Variants in DNAH3 observed in about 807,000 individuals in gnomAD.
DNAH3 encodes axonemal beta dynein heavy chain 3.
Under a neutral mutation model 432.5 loss-of-function variants are expected in DNAH3, and 332 were observed. That is an observed-to-expected ratio of 0.77 (90% CI 0.70 to 0.84). DNAH3 has a LOEUF of 0.84. DNAH3 is among the 40% of genes least tolerant of loss of function. The probability of loss-of-function intolerance (pLI) is 0.00; values close to 1 mark genes in which losing one functional copy is unlikely to be tolerated. For synonymous variants in DNAH3, 1,956 were observed against 1,900.2 expected (o/e 1.03, Z -0.76); for missense variants, 4,861 against 5,114.0 (o/e 0.95, Z 1.51).
chr16:21,065,708 C>T (rs75448251), intron 24 of DNAH3, among the ~76,000 whole-genome samples: 3,259 of 152,264 alleles, frequency 0.021, 123 homozygotes, highest in African/African-American at 0.074. Flanking sequence ...TGCTCAGTGG[C>T]CACTGGCAGC....
intron 41 of DNAH3, among the ~76,000 whole-genome samples, chr16:21,011,797 C>T (rs1020721659): frequency 2.0e-5 from 3 of 152,022 alleles, no homozygotes; most frequent in Non-Finnish European, 4.4e-5. Context: ...GATGAAAAGA[C>T]AAGATGAGAT....
intron 20 of DNAH3, 83 bp downstream of exon 20, chr16:21,081,553 C>T (rs907290141): frequency 7.0e-6 from 8 of 1,139,578 alleles, no homozygotes; most frequent in African/African-American, 3.1e-5. Context: ...ACAAACAGCC[C>T]GATATGGAGC....
intron 49 of DNAH3, among the ~76,000 whole-genome samples, chr16:20,981,036 T>TCA (rs2085873542): frequency 6.6e-6 from 1 of 152,176 alleles, no homozygotes; most frequent in Non-Finnish European, 1.5e-5. Context: ...GAACCATAGT[T>TCA]TGTCAGCTTC....
intron 8 of DNAH3, among the ~76,000 whole-genome samples, chr16:21,127,142 A>G (rs1177469928): frequency 6.6e-6 from 1 of 152,056 alleles, no homozygotes; most frequent in African/African-American, 2.4e-5. Context: ...CCGCTGGTCT[A>G]AAGGATTCGA....
chr16:21,131,291 A>G (rs556444948), intron 7 of DNAH3, among the ~76,000 whole-genome samples: 1 of 151,988 alleles, frequency 6.6e-6, no homozygotes, highest in Non-Finnish European at 1.5e-5. Flanking sequence ...ATGCCACTGC[A>G]CCACACCCTG....
chr16:21,094,682 A>G (rs1420559268), intron 18 of DNAH3, among the ~76,000 whole-genome samples: 1 of 152,070 alleles, frequency 6.6e-6, no homozygotes, highest in Non-Finnish European at 1.5e-5. Context: ...ATATATATAT[A>G]TGGACAATAA....
At chr16:20,952,648 G>T in intron 55 of DNAH3, 99 bp from the exon 56 acceptor site, 1 of 773,298 alleles carries the variant, frequency 1.3e-6, no homozygotes, top group Non-Finnish European at 2.3e-6. Context: ...TGGATCAAAA[G>T]CCTCTTTCAG....
At chr16:21,127,966 T>C (rs1035070196) in intron 7 of DNAH3, among the ~76,000 whole-genome samples, 154 bp from the exon 9 acceptor site, 18 of 152,000 alleles carry the variant, frequency 1.2e-4, no homozygotes, top group Admixed American at 7.2e-4. Context: ...GAGGAGGATA[T>C]GGGAGGCTGA....
exon 5 of DNAH3, chr16:21,140,556 GCTT>G (rs1485579389): frequency 1.9e-5 from 30 of 1,613,854 alleles, no homozygotes; most frequent in Non-Finnish European, 1.1e-5. Context: ...GATTCAGATG[GCTT>G]CTTTTCTTTA....
intron 3 of DNAH3, among the ~76,000 whole-genome samples, chr16:21,142,654 C>CG: frequency 1.5e-5 from 2 of 136,422 alleles, no homozygotes; most frequent in East Asian, 2.2e-4. Flanking sequence ...TACAAAAATC[C>CG]TTTTTTTTTT....
At chr16:20,965,964 C>T (rs1244974382) in intron 52 of DNAH3, among the ~76,000 whole-genome samples, 2 of 149,278 alleles carry the variant, frequency 1.3e-5, no homozygotes, top group South Asian at 2.1e-4. Context: ...CTGCCTACCT[C>T]GGCCTCCCAA....
At chr16:21,111,216 A>G (rs1419060934) in intron 14 of DNAH3, among the ~76,000 whole-genome samples, 1 of 152,220 alleles carries the variant, frequency 6.6e-6, no homozygotes, top group Non-Finnish European at 1.5e-5. Flanking sequence ...GGACCTATAC[A>G]GCAGAATTCT....
chr16:20,950,013 A>C (rs1370287631), intron 56 of DNAH3, among the ~76,000 whole-genome samples: 1 of 152,020 alleles, frequency 6.6e-6, no homozygotes, highest in Non-Finnish European at 1.5e-5. Flanking sequence ...ACTTCTATTT[A>C]TTATTATTAC....
intron 51 of DNAH3, 50 bp from the exon 52 acceptor site, chr16:20,970,040 A>G (rs747221230): frequency 1.1e-5 from 17 of 1,557,758 alleles, no homozygotes; most frequent in Non-Finnish European, 1.5e-5. Context: ...GCCTGGCACA[A>G]TGGGGGCGAA....
Position 20,997,303 on chromosome 16 carries a change from C to T in DNAH3, c.6581G>A (p.Gly2194Glu), listed in dbSNP as rs768942597. 1.3e-5 allele frequency: 21 copies of T among 1,613,882 alleles called. No homozygotes were observed. In the Admixed American group the frequency reaches 2.3e-4, roughly 18 times the overall value. ...CATACCAGTAATGTCATTCCTTCCT[C>T]CCCCGGGGGGCCCCATGGCTGTCAC... The change falls in exon 44 of 62, where the codon GGA becomes GAA. Residue 2194 changes from glycine to glutamate, a missense_variant. Gly to Glu is a moderately conservative substitution (Grantham distance 98, BLOSUM62 -2). Coordinates refer to ENST00000261383, the Ensembl canonical transcript of DNAH3.
chr16:21,052,625 C>T lies in DNAH3; in HGVS notation c.4040-757G>A, dbSNP rs1046150078. Among the ~76,000 whole-genome samples, 6 of 152,174 alleles carry T rather than the reference C, an allele frequency of 3.9e-5. No homozygotes were observed. In the East Asian group the frequency reaches 7.7e-4, roughly 20 times the overall value. On this transcript the variant is annotated intron_variant, in intron 28 of 61. Coordinates refer to ENST00000261383, the Ensembl canonical transcript of DNAH3. ...GATTAAATGAATATATAGGTACATA[C>T]ATACATATCTACAGCTAGACACAAT...
chr16:20,988,404 T>C (rs1210756384), intron 44 of DNAH3, among the ~76,000 whole-genome samples: 1 of 152,126 alleles, frequency 6.6e-6, no homozygotes, highest in Non-Finnish European at 1.5e-5. Flanking sequence ...TTATATCATA[T>C]CATGTTGTAT....
chr16:21,020,348 G>GTGTGTGTGTATATATATATATATATATA, intron 40 of DNAH3, among the ~76,000 whole-genome samples: 12 of 69,150 alleles, frequency 1.7e-4, no homozygotes, highest in African/African-American at 3.2e-4. Flanking sequence ...TATAGTGTGT[G>GTGTGTGTGTATATATATATATATATATA]TATATATATA....
At chr16:21,144,798 A>G (rs1379315517) in intron 3 of DNAH3, among the ~76,000 whole-genome samples, 1 of 152,108 alleles carries the variant, frequency 6.6e-6, no homozygotes, top group Non-Finnish European at 1.5e-5. Context: ...GCAAAAGGGG[A>G]GCCAGGATCA....
Sources: gnomAD v4.1 joint callset for allele counts (sites outside exome capture counted in the v4.1 genomes callset) on GRCh38, gnomAD v4.1.1 for gene constraint, MANE v1.5 for transcripts, NCBI Gene and HGNC (gene_info 2026-07-23, HGNC 2026-07-21) for gene names.